Variants in RPS6KA5 observed in about 807,000 individuals in gnomAD.
The protein encoded by RPS6KA5 is ribosomal protein S6 kinase A5, also known as ribosomal protein S6 kinase alpha-5.
In RPS6KA5, 27 loss-of-function variants were observed where a neutral mutation model predicts 85.5. That is an observed-to-expected ratio of 0.32 (90% confidence interval 0.23 to 0.44). RPS6KA5 has a LOEUF of 0.44. Ranked by LOEUF, RPS6KA5 falls within the 20% of genes least tolerant of loss-of-function variation. The probability of loss-of-function intolerance (pLI) is 1.00; values close to 1 mark genes in which losing one functional copy is unlikely to be tolerated. For synonymous variants in RPS6KA5, 334 were observed against 348.2 expected (o/e 0.96, Z 0.46); for missense variants, 811 against 980.9 (o/e 0.83, Z 2.31).
chr14:90,944,918 T>C (rs1389756840), intron 4 of RPS6KA5, among the ~76,000 whole-genome samples: 1 of 142,178 alleles, frequency 7.0e-6, no homozygotes, highest in African/African-American at 2.7e-5. Flanking sequence ...TGTCTATTTT[T>C]AGACCCAATG....
chr14:91,043,964 C>T (rs981063004), intron 1 of RPS6KA5, among the ~76,000 whole-genome samples: 21 of 152,136 alleles, frequency 1.4e-4, no homozygotes, highest in African/African-American at 3.6e-4. Flanking sequence ...CAGTGGCTCA[C>T]GCCTGTAATA....
intron 1 of RPS6KA5, among the ~76,000 whole-genome samples, chr14:91,024,385 GT>G (rs1300438600): frequency 2.0e-5 from 3 of 151,294 alleles, no homozygotes; most frequent in Non-Finnish European, 2.9e-5. Context: ...TTATATTCCT[GT>G]TTTTTTTCTA....
chr14:90,978,819 G>A (rs994979883), intron 2 of RPS6KA5, among the ~76,000 whole-genome samples: 2 of 151,812 alleles, frequency 1.3e-5, no homozygotes, highest in Admixed American at 1.3e-4. Flanking sequence ...CTGTTATTAC[G>A]GTCAACTAAC....
chr14:91,014,371 G>A (rs948461128), intron 1 of RPS6KA5, among the ~76,000 whole-genome samples: 1 of 151,490 alleles, frequency 6.6e-6, no homozygotes, highest in South Asian at 2.1e-4. Context: ...GCATGGTGGC[G>A]TGCACCTGTA....
chr14:91,035,859 A>C (rs1300305343), intron 1 of RPS6KA5, among the ~76,000 whole-genome samples: 3 of 126,670 alleles, frequency 2.4e-5, no homozygotes, highest in Admixed American at 7.8e-5. Flanking sequence ...AAAAAAAAAA[A>C]AAAAAAAAAA....
intron 1 of RPS6KA5, among the ~76,000 whole-genome samples, chr14:91,027,763 G>A (rs562572863): frequency 7.2e-5 from 11 of 152,166 alleles, no homozygotes; most frequent in Admixed American, 3.9e-4. Flanking sequence ...ATGAAGTAGT[G>A]GAAATAAAGC....
At chr14:91,016,258 T>C (rs796934976) in intron 1 of RPS6KA5, among the ~76,000 whole-genome samples, 20 of 152,304 alleles carry the variant, frequency 1.3e-4, no homozygotes, top group African/African-American at 4.8e-4. Flanking sequence ...TTCTTTTCTT[T>C]AGAGACGGGG....
intron 3 of RPS6KA5, among the ~76,000 whole-genome samples, chr14:90,964,322 T>C (rs938333954): frequency 2.6e-5 from 4 of 152,094 alleles, no homozygotes; most frequent in African/African-American, 9.7e-5. Context: ...AAGATGATAA[T>C]CTATTTCTTC....
At chr14:91,052,820 G>T (rs1374497042) in intron 1 of RPS6KA5, among the ~76,000 whole-genome samples, 1 of 128,620 alleles carries the variant, frequency 7.8e-6, no homozygotes, top group Admixed American at 8.5e-5. Context: ...GGAACAGAGC[G>T]AGACTCCATC....
At chr14:91,002,212 A>T (rs1028751930) in intron 1 of RPS6KA5, among the ~76,000 whole-genome samples, 1 of 152,158 alleles carries the variant, frequency 6.6e-6, no homozygotes, top group Non-Finnish European at 1.5e-5. Context: ...TCCTCAAAGC[A>T]TACTGATATC....
At chr14:91,010,703 G>A (rs1015288328) in intron 1 of RPS6KA5, among the ~76,000 whole-genome samples, 6 of 152,130 alleles carry the variant, frequency 3.9e-5, no homozygotes, top group African/African-American at 1.2e-4. Flanking sequence ...AAGGAATACA[G>A]GGGAAATGGG....
chr14:90,875,663 C>T (rs1180759084), intron 14 of RPS6KA5, among the ~76,000 whole-genome samples: 3 of 151,800 alleles, frequency 2.0e-5, no homozygotes, highest in East Asian at 3.9e-4. Flanking sequence ...AAATGTCCAA[C>T]AACGATAGAC....
At chr14:90,931,835 T>C (rs1195764401) in intron 5 of RPS6KA5, among the ~76,000 whole-genome samples, 1 of 152,176 alleles carries the variant, frequency 6.6e-6, no homozygotes, top group African/African-American at 2.4e-5. Flanking sequence ...TAAAGGATTA[T>C]TACACAACAG....
intron 3 of RPS6KA5, among the ~76,000 whole-genome samples, chr14:90,952,808 T>C (rs1374047330): frequency 1.3e-5 from 2 of 152,220 alleles, no homozygotes; most frequent in African/African-American, 4.8e-5. Context: ...TAATTTATCC[T>C]TGGACATAAC....
At chr14:91,024,165 C>G (rs2041903363) in intron 1 of RPS6KA5, among the ~76,000 whole-genome samples, 1 of 152,144 alleles carries the variant, frequency 6.6e-6, no homozygotes, top group East Asian at 1.9e-4. Context: ...CCTTGGAGAA[C>G]TTGTAAATAT....
rs1388012598 is a variant in RPS6KA5, at chr14:91,060,319, C to T, written c.103+13G>A. ...CGCGCCGGGCCCGGCCGGCAGAGGG[C>T]GGGGTCGCTCACCAGTCCGCAGCTC... is the stretch of plus-strand genomic sequence containing the variant. On this transcript the variant is annotated intron_variant, in intron 1 of 16. Transcript: ENST00000614987. The T allele has an allele frequency of 5.4e-6, 7 of 1,305,764 alleles. No homozygotes were observed. Among genetic ancestry groups the T allele is most frequent in the Admixed American group, 3.2e-5 (1 of 30,912 alleles). The allele number at this position is 1,305,764 out of a possible 1,614,324, so 80.9% of individuals were successfully genotyped here. A position where few individuals can be genotyped will look rare whatever the true frequency, so the allele number is the denominator to read the frequency against.
chr14:90,923,070 A>C, intron 6 of RPS6KA5, 43 bp downstream of exon 6: 1 of 1,413,948 alleles, frequency 7.1e-7, no homozygotes, highest in Non-Finnish European at 1.0e-6. Flanking sequence ...CTTATAGTAC[A>C]TTTTATAGAA....
At chr14:90,916,377 T>C (rs2036118992) in intron 7 of RPS6KA5, among the ~76,000 whole-genome samples, 1 of 152,184 alleles carries the variant, frequency 6.6e-6, no homozygotes, top group Admixed American at 6.5e-5. Context: ...ACATTTTTAT[T>C]CTAGGCTACC....
intron 1 of RPS6KA5, among the ~76,000 whole-genome samples, chr14:91,029,292 T>C (rs2042096985): frequency 1.3e-5 from 2 of 152,218 alleles, no homozygotes; most frequent in Admixed American, 1.3e-4. Context: ...AGTGAAAACA[T>C]ACTACCTTTT....
Sources: allele counts gnomAD v4.1 joint callset (sites outside exome capture counted in the v4.1 genomes callset), GRCh38; gene constraint gnomAD v4.1.1; transcripts MANE v1.5; gene names NCBI Gene and HGNC (gene_info 2026-07-23, HGNC 2026-07-21).